Variants in EHBP1 observed in about 807,000 individuals in gnomAD.
EHBP1 encodes the protein EH domain binding protein 1, also known as EH domain-binding protein 1.
In EHBP1, 55 loss-of-function variants were observed where a neutral mutation model predicts 144.0. The observed-to-expected ratio is 0.38, with a 90% CI of 0.31 to 0.48. The LOEUF is 0.48. Among genes scored for constraint, EHBP1 ranks in the 20% least tolerant of loss-of-function variants. The probability of loss-of-function intolerance (pLI) is 0.98; values close to 1 mark genes in which losing one functional copy is unlikely to be tolerated. For synonymous variants in EHBP1, 469 were observed against 472.7 expected (o/e 0.99, Z 0.10); for missense variants, 1,200 against 1,364.2 (o/e 0.88, Z 1.90).
chr2:62,837,334 A>T (rs2047354565), intron 7 of EHBP1, among the ~76,000 whole-genome samples: 1 of 146,450 alleles, frequency 6.8e-6, no homozygotes, highest in Non-Finnish European at 1.5e-5. Flanking sequence ...GAGCTCCTGA[A>T]GGAAGTGCTA....
At chr2:62,706,618 G>A (rs1002995558) in intron 1 of EHBP1, 3 of 153,076 alleles carry the variant, frequency 2.0e-5, no homozygotes, top group African/African-American at 7.2e-5. Flanking sequence ...ATGCTAACAG[G>A]GGGAGGTAGG....
intron 10 of EHBP1, among the ~76,000 whole-genome samples, chr2:62,901,203 G>A (rs1573972675): frequency 6.6e-6 from 1 of 152,160 alleles, no homozygotes; most frequent in African/African-American, 2.4e-5. Context: ...GATGAGTTAC[G>A]AGCCTATTAA....
At chr2:62,875,072 CT>C (rs1194674570) in intron 10 of EHBP1, among the ~76,000 whole-genome samples, 5 of 152,196 alleles carry the variant, frequency 3.3e-5, no homozygotes, top group African/African-American at 1.2e-4. Flanking sequence ...CACCCTGCCC[CT>C]GCCAGCATGT....
chr2:62,863,977 G>C (rs1407852580), intron 8 of EHBP1, among the ~76,000 whole-genome samples: 1 of 150,540 alleles, frequency 6.6e-6, no homozygotes, highest in Non-Finnish European at 1.5e-5. Context: ...CTCCTGAGTA[G>C]CTGGGATTGC....
intron 10 of EHBP1, among the ~76,000 whole-genome samples, chr2:62,939,183 A>G (rs2056582541): frequency 6.6e-6 from 1 of 152,226 alleles, no homozygotes; most frequent in Non-Finnish European, 1.5e-5. Flanking sequence ...ATGGACTCTA[A>G]GAAGATGATA....
At chr2:62,692,275 A>G (rs2033933356) in intron 1 of EHBP1, among the ~76,000 whole-genome samples, 1 of 152,202 alleles carries the variant, frequency 6.6e-6, no homozygotes. Context: ...TTATCCATTC[A>G]TGAGCTGATA....
chr2:62,748,087 T>C (rs1003414439), intron 3 of EHBP1, among the ~76,000 whole-genome samples: 4 of 152,092 alleles, frequency 2.6e-5, no homozygotes, highest in African/African-American at 9.7e-5. Flanking sequence ...AATAACATAA[T>C]AGTTAAGTTA....
intron 21 of EHBP1, among the ~76,000 whole-genome samples, chr2:63,039,580 A>G (rs1024880199): frequency 2.0e-5 from 3 of 152,076 alleles, no homozygotes; most frequent in African/African-American, 7.2e-5. Flanking sequence ...TTCCTATTCT[A>G]TATTGACCTC....
At chr2:62,726,570 C>T (rs1429978126) in intron 2 of EHBP1, 1 of 152,242 alleles carries the variant, frequency 6.6e-6, no homozygotes, top group Non-Finnish European at 1.5e-5. Flanking sequence ...CTCTCTTATC[C>T]TATTCCTAAT....
At chr2:62,815,932 C>T (rs985963069) in intron 5 of EHBP1, among the ~76,000 whole-genome samples, 2 of 152,144 alleles carry the variant, frequency 1.3e-5, no homozygotes, top group Non-Finnish European at 2.9e-5. Flanking sequence ...AAGATTCATT[C>T]AGTATGCATG....
intron 15 of EHBP1, among the ~76,000 whole-genome samples, chr2:62,989,623 T>G (rs1433481171): frequency 1.3e-5 from 2 of 152,104 alleles, no homozygotes; most frequent in African/African-American, 4.8e-5. Flanking sequence ...ACTAATAAAT[T>G]GTTTACGGCT....
chr2:62,792,659 A>G (rs182551565), intron 5 of EHBP1, among the ~76,000 whole-genome samples: 1 of 152,178 alleles, frequency 6.6e-6, no homozygotes, highest in East Asian at 1.9e-4. Context: ...TTAGGCTGCT[A>G]CTTAAAGTTT....
At chr2:62,857,943 C>T (rs62179330) in intron 7 of EHBP1, among the ~76,000 whole-genome samples, 1 of 151,176 alleles carries the variant, frequency 6.6e-6, no homozygotes, top group South Asian at 2.1e-4. Context: ...AACATGAATA[C>T]ATACTTATTA....
intron 3 of EHBP1, among the ~76,000 whole-genome samples, chr2:62,758,112 A>T (rs2040463812): frequency 6.6e-6 from 1 of 152,012 alleles, no homozygotes; most frequent in African/African-American, 2.4e-5. Flanking sequence ...TCATTATAGA[A>T]TCTTTGTTTT....
intron 3 of EHBP1, among the ~76,000 whole-genome samples, chr2:62,748,084 T>C (rs1285730246): frequency 1.3e-5 from 2 of 152,092 alleles, no homozygotes; most frequent in African/African-American, 2.4e-5. Context: ...TTGAATAACA[T>C]AATAGTTAAG....
intron 5 of EHBP1, among the ~76,000 whole-genome samples, chr2:62,781,121 G>T (rs2042394928): frequency 6.6e-6 from 1 of 152,068 alleles, no homozygotes; most frequent in African/African-American, 2.4e-5. Flanking sequence ...ACAGTCTGGA[G>T]TGGGGAAACA....
intron 14 of EHBP1, among the ~76,000 whole-genome samples, chr2:62,958,180 C>A (rs1413350963): frequency 2.0e-5 from 3 of 152,114 alleles, no homozygotes; most frequent in African/African-American, 4.8e-5. Context: ...GCTAAACATA[C>A]ACTTACATGA....
chr2:62,964,286 G>T (rs527936812), intron 14 of EHBP1, among the ~76,000 whole-genome samples: 3 of 152,228 alleles, frequency 2.0e-5, no homozygotes, highest in Non-Finnish European at 2.9e-5. Flanking sequence ...TGAAGCTAGG[G>T]CTAGGTGTCT....
chr2:62,776,326 T>C (rs1466058668), intron 5 of EHBP1, among the ~76,000 whole-genome samples: 6 of 152,210 alleles, frequency 3.9e-5, no homozygotes, highest in Non-Finnish European at 5.9e-5. Context: ...GATAAGTCAT[T>C]TAATATTTCA....
Sources: allele counts gnomAD v4.1 joint callset (sites outside exome capture counted in the v4.1 genomes callset), GRCh38; gene constraint gnomAD v4.1.1; transcripts MANE v1.5; gene names NCBI Gene and HGNC (gene_info 2026-07-23, HGNC 2026-07-21).